The following FAN1 variants were observed in gnomAD, a reference collection of about 807,000 sequenced individuals.
FAN1 encodes FANCD2 and FANCI associated nuclease 1.
In FAN1, 91 loss-of-function variants were observed where a neutral mutation model predicts 104.9. The observed-to-expected ratio is 0.87, with a 90% CI of 0.73 to 1.03. The LOEUF is 1.03. FAN1 is among the 50% of genes least tolerant of loss of function. FAN1 has a pLI of 0.00. For synonymous variants in FAN1, 478 were observed against 457.6 expected (o/e 1.04, Z -0.57); for missense variants, 1,263 against 1,239.9 (o/e 1.02, Z -0.28).
chr15:30,920,254 G>A (rs1310446926), intron 6 of FAN1, among the ~76,000 whole-genome samples: 1 of 152,150 alleles, frequency 6.6e-6, no homozygotes, highest in Non-Finnish European at 1.5e-5. Context: ...TTCTTAGTTT[G>A]CAGGACATAG....
In FAN1 at chr15:30,916,082, C is replaced by T. The variant is rs747951668; in HGVS notation, c.1811+1991C>T. Among the ~76,000 whole-genome samples, 4 of 152,180 alleles carry T rather than the reference C, an allele frequency of 2.6e-5. No homozygotes were observed. In the South Asian group the frequency reaches 8.3e-4, roughly 32 times the overall value. On this transcript the variant is annotated intron_variant, in intron 5 of 14. Coordinates refer to ENST00000362065, the MANE Select transcript of FAN1 (RefSeq NM_014967.5). ...CCTTAGCTGTCAGGAAGCTCAGTAT[C>T]TTATTTGTGTTCAATGGGAATAACT...
chr15:30,908,702 G>T (rs1262113800), intron 3 of FAN1, among the ~76,000 whole-genome samples: 5 of 151,996 alleles, frequency 3.3e-5, no homozygotes, highest in Non-Finnish European at 7.4e-5. Context: ...AAAATTAGGT[G>T]TGGTGGCGCA....
At chr15:30,909,397 AG>A (rs1046003606) in intron 3 of FAN1, among the ~76,000 whole-genome samples, 1 of 152,218 alleles carries the variant, frequency 6.6e-6, no homozygotes, top group Non-Finnish European at 1.5e-5. Flanking sequence ...GGTGGGACAC[AG>A]GACCCTCTGC....
At chr15:30,930,508 G>C (rs1566932078) in intron 12 of FAN1, 35 bp from the exon 13 acceptor site, 1 of 1,563,076 alleles carries the variant, frequency 6.4e-7, no homozygotes. Flanking sequence ...TCTGTCACGA[G>C]GGAAGTGGCT....
intron 13 of FAN1, 88 bp downstream of exon 13, chr15:30,930,759 T>C: frequency 1.3e-6 from 2 of 1,495,348 alleles, no homozygotes; most frequent in South Asian, 1.2e-5. Context: ...TGAGTGGCTG[T>C]TGGCAAGATT....
At chr15:30,940,967 A>G in intron 14 of FAN1, 1 of 1,097,162 alleles carries the variant, frequency 9.1e-7, no homozygotes, top group African/African-American at 1.7e-5. Flanking sequence ...TAAAATCATA[A>G]ATTCTGGCCC....
At position 30,905,709 on chromosome 15, in the gene FAN1, A is replaced by G. The variant is rs764817597; in HGVS notation, c.1046A>G (p.Asn349Ser). The G allele has an allele frequency of 1.9e-6, 3 of 1,614,118 alleles. No homozygotes were observed. The highest frequency in any genetic ancestry group is 1.1e-5 in the South Asian group (1 of 91,074). Residue 349 changes from asparagine to serine, a missense_variant, in exon 2 of 15, where the codon AAT becomes AGT. Asn to Ser is a conservative substitution (Grantham distance 46). Transcript: ENST00000362065. ...CTGCAGGATGACAGTTGCTTAAACAATGATATCCCTCACAGCATTCCTTTG... is the reference window on the plus strand; with the variant it reads ...CTGCAGGATGACAGTTGCTTAAACAGTGATATCCCTCACAGCATTCCTTTG... Reference protein sequence around the residue: ...APLQDDSCLNNDIPHSIPLEQ... With the variant: ...APLQDDSCLNSDIPHSIPLEQ...
intron 8 of FAN1, among the ~76,000 whole-genome samples, chr15:30,924,368 C>T (rs1234564201): frequency 6.6e-6 from 1 of 152,168 alleles, no homozygotes; most frequent in Non-Finnish European, 1.5e-5. Flanking sequence ...ACTGCTGGGT[C>T]CTGTGGTGAT....
At chr15:30,915,499 C>T (rs1014352467) in intron 5 of FAN1, among the ~76,000 whole-genome samples, 14 of 152,188 alleles carry the variant, frequency 9.2e-5, no homozygotes, top group South Asian at 6.2e-4. Context: ...CCTGGTATGG[C>T]AACACATGCC....
At position 30,910,661 on chromosome 15, in the gene FAN1, C is replaced by T; in HGVS notation, c.1423C>T (p.Pro475Ser). 5 of 1,613,582 alleles carry T rather than the reference C, an allele frequency of 3.1e-6. No homozygotes were observed. The highest frequency in any genetic ancestry group is 1.1e-5 in the South Asian group (1 of 91,024). ...TGAAGTGCTTGAACTCCTTTCTGCTCCTGAACTAAAATCCCTAGCCAAGAC... is the reference window on the plus strand; with the variant it reads ...TGAAGTGCTTGAACTCCTTTCTGCTTCTGAACTAAAATCCCTAGCCAAGAC... ...LSEVLELLSA[P>S]ELKSLAKTFH... Residue 475 changes from proline to serine, a missense_variant, in exon 4 of 15, where the codon CCT becomes TCT. This residue lies in a region of FAN1 where 682 missense variants were observed against 571.1 expected (regional missense o/e 1.19). Coordinates refer to ENST00000362065, the MANE Select transcript of FAN1 (RefSeq NM_014967.5).
rs945838550 is a variant in FAN1, at chr15:30,942,141, A to C, written c.*579A>C. 1 of 1,492,868 alleles carries C rather than the reference A, an allele frequency of 6.7e-7. No homozygotes were observed. The highest frequency in any genetic ancestry group is 1.4e-5 in the African/African-American group (1 of 71,576). 92.5% of individuals were successfully genotyped at this position (1,492,868 alleles called of 1,614,324 possible). The stretch of plus-strand genomic sequence containing the variant: ...AGAAAGATTGAAGGATGCAATGGCA[A>C]ATATAAACTCAATACTATGAAAAAT... On this transcript the variant is annotated 3_prime_UTR_variant, in exon 15 of 15. Coordinates refer to ENST00000362065, the MANE Select transcript of FAN1 (RefSeq NM_014967.5).
chr15:30,928,690 T>C (rs1566928196), intron 11 of FAN1, 34 bp downstream of exon 11: 6 of 1,613,196 alleles, frequency 3.7e-6, no homozygotes, highest in Non-Finnish European at 4.2e-6. Context: ...GAGTAGGTCC[T>C]TCTGCACACA....
At position 30,928,672 on chromosome 15, in the gene FAN1, TGCCCCACGAGTAG is replaced by T. The variant is rs1458062723; in HGVS notation, c.2592+18_2592+30del. The T allele has an allele frequency of 6.2e-7, 1 of 1,613,670 alleles. No individual in the cohort carries two copies. Among genetic ancestry groups the T allele is most frequent in the Non-Finnish European group, 8.5e-7 (1 of 1,179,706 alleles). ...CGCCTGTCAGGTACTCCAGTGCCCC[TGCCCCACGAGTAG>T]GTCCTTCTGCACACATCCGTGGCTC... On this transcript the variant is annotated intron_variant, in intron 11 of 14. Transcript: ENST00000362065.
At chr15:30,917,263 G>A (rs1289660512) in intron 5 of FAN1, among the ~76,000 whole-genome samples, 1 of 152,132 alleles carries the variant, frequency 6.6e-6, no homozygotes, top group East Asian at 1.9e-4. Flanking sequence ...GTCAGTGTGT[G>A]GGGTGCTCTT....
chr15:30,904,651 T>A lies in FAN1; in HGVS notation c.-13T>A. 1 of 1,608,430 alleles carries A rather than the reference T, an allele frequency of 6.2e-7. No homozygotes were observed. The highest frequency in any genetic ancestry group is 1.7e-5 in the Admixed American group (1 of 58,790). ...TGTTTTATTGCTCAGAACATCCAGT[T>A]TTTCTAATACTCATGATGTCAGAAG... is the stretch of plus-strand genomic sequence containing the variant. On this transcript the variant is annotated 5_prime_UTR_variant, in exon 2 of 15. Transcript: ENST00000362065.
chr15:30,932,598 A>T (rs948382935), intron 13 of FAN1, among the ~76,000 whole-genome samples: 1 of 152,126 alleles, frequency 6.6e-6, no homozygotes, highest in East Asian at 1.9e-4. Flanking sequence ...TTTAAACAAC[A>T]TAAGGCTGTT....
rs1208298612 is a variant in FAN1, at chr15:30,908,203, C to T, written c.1320C>T (p.Ala440=). 4.3e-6 allele frequency: 7 copies of T among 1,610,818 alleles called. No individual in the cohort carries two copies. Among genetic ancestry groups the T allele is most frequent in the African/African-American group, 1.3e-5 (1 of 74,952 alleles). Residue 440 remains alanine, a synonymous_variant, in exon 3 of 15, where the codon GCC becomes GCT. Transcript: ENST00000362065. ...CCAAATTAGAGTATGAAGAGATTGCCTTAGACTTAACACCTGTGATTGAAG... is the reference window on the plus strand; with the variant it reads ...CCAAATTAGAGTATGAAGAGATTGCTTTAGACTTAACACCTGTGATTGAAG... ...KMTKLEYEEI[A]LDLTPVIEEL... is the part of the protein sequence containing the mutation.
chr15:30,927,746 A>G, intron 10 of FAN1: 1 of 985,612 alleles, frequency 1.0e-6, no homozygotes, highest in Non-Finnish European at 1.2e-6. Flanking sequence ...CTCTGTCGGG[A>G]GGGCTGATGT....
Position 30,942,193 on chromosome 15 carries a change from T to C in FAN1, c.*631T>C, listed in dbSNP as rs1000097187. 1.3e-5 allele frequency: 16 copies of C among 1,208,200 alleles called. No individual in the cohort carries two copies. Among genetic ancestry groups the C allele is most frequent in the Non-Finnish European group, 1.7e-5 (15 of 867,712 alleles). The allele number at this position is 1,208,200 out of a possible 1,614,324, so 74.8% of individuals were successfully genotyped here. ...AATGGAATTTCAGCCTCAAAGAACA[T>C]TTTCCTCCCTTCCTTTGTGTCCTTA... On this transcript the variant is annotated 3_prime_UTR_variant, in exon 15 of 15. Coordinates refer to ENST00000362065, the MANE Select transcript of FAN1 (RefSeq NM_014967.5).
Sources: allele counts gnomAD v4.1 joint callset (sites outside exome capture counted in the v4.1 genomes callset), GRCh38; gene constraint gnomAD v4.1.1; regional missense constraint gnomAD v4.1.1; transcripts MANE v1.5; gene names NCBI Gene and HGNC (gene_info 2026-07-23, HGNC 2026-07-21).